CHFR: variants seen among roughly 807,000 people sequenced by gnomAD.
CHFR encodes checkpoint with forkhead and ring finger domains.
A neutral mutation model predicts 87.6 loss-of-function variants in CHFR; 57 were observed. That is an observed-to-expected ratio of 0.65 (90% CI 0.53 to 0.81). The LOEUF (loss-of-function observed/expected upper bound fraction) is 0.81, where lower values mean the gene tolerates loss of function less well. CHFR is among the 30% of genes least tolerant of loss of function. The probability of loss-of-function intolerance (pLI) is 0.00; values close to 1 mark genes in which losing one functional copy is unlikely to be tolerated. For synonymous variants in CHFR, 381 were observed against 359.2 expected (o/e 1.06, Z -0.69); for missense variants, 797 against 865.8 (o/e 0.92, Z 1.00).
In CHFR at chr12:132,877,651, CA is replaced by C. The variant is rs1566203316; in HGVS notation, c.136del (p.Cys46AlafsTer19). 6.2e-7 allele frequency: 1 copy of C among 1,610,234 alleles called. No individual in the cohort carries two copies. Among genetic ancestry groups the C allele is most frequent in the East Asian group, 2.2e-5 (1 of 44,812 alleles). ...REWTIGRRRGCDLSFPSNKLV... is the reference protein window; with the variant it reads ...REWTIGRRRGXDLSFPSNKLV... ...TTTATTGCTGGGGAAGGAAAGGTCG[CA>C]ACCTAAAAAAGAGAGGGTGGGTCAA... is the stretch of plus-strand genomic sequence containing the variant. On this transcript the variant is annotated frameshift_variant and splice_region_variant, in exon 3 of 18. Coordinates refer to ENST00000450056, the MANE Select transcript of CHFR (RefSeq NM_001161346.2). LOFTEE classifies it high-confidence loss of function.
chr12:132,861,737 G>T, intron 6 of CHFR, 103 bp from the exon 7 acceptor site: 1 of 1,066,662 alleles, frequency 9.4e-7, no homozygotes, highest in Non-Finnish European at 1.4e-6. Flanking sequence ...CTGGCAGCCT[G>T]AGATGTCGTA....
chr12:132,835,861 G>GCC lies in CHFR; in HGVS notation c.*5692_*5693insGG, dbSNP rs1566167634. The GCC allele has an allele frequency of 6.3e-6, 2 of 317,598 alleles. No homozygotes were observed. Among genetic ancestry groups the GCC allele is most frequent in the African/African-American group, 4.8e-5 (2 of 41,834 alleles). 19.7% of individuals were successfully genotyped at this position (317,598 alleles called of 1,614,324 possible). A position where few individuals can be genotyped will look rare whatever the true frequency, so the allele number is the denominator to read the frequency against. On this transcript the variant is annotated 3_prime_UTR_variant, in exon 18 of 18. Transcript: ENST00000450056. ...CAGCACAGCGCACGGCCCTCACAGT[G>GCC]ATAGGCTCCCAGCACGGCGCACGGC...
At position 132,856,543 on chromosome 12, in the gene CHFR, G is replaced by A; in HGVS notation, c.1154C>T (p.Ser385Phe). Residue 385 changes from serine to phenylalanine, a missense_variant, in exon 10 of 18, where the codon TCT (serine) becomes TTT (phenylalanine). Ser to Phe is a radical substitution (Grantham distance 155). Around this residue, in one of 2 missense-constraint regions of CHFR, gnomAD observed 597 missense variants for 601.2 expected, o/e 0.99. Transcript: ENST00000450056. ...QDMLQPKVRR[S>F]FSDEEGSSED... ...TGAACTCCCTTCTTCATCAGAAAAA[G>A]ACCGCCTGACTTTGGGCTGCAGCAT... is the stretch of plus-strand genomic sequence containing the variant. 1 of 1,614,196 alleles carries A rather than the reference G, an allele frequency of 6.2e-7. No homozygotes were observed. The highest frequency in any genetic ancestry group is 8.5e-7 in the Non-Finnish European group (1 of 1,180,034).
At chr12:132,847,511 A>C in intron 14 of CHFR, 1 of 1,086,382 alleles carries the variant, frequency 9.2e-7, no homozygotes, top group East Asian at 6.9e-5. Context: ...CTTCAAACAC[A>C]CACGAGCTGT....
chr12:132,853,338 G>A, intron 11 of CHFR, 93 bp downstream of exon 11: 1 of 1,305,850 alleles, frequency 7.7e-7, no homozygotes, highest in African/African-American at 1.5e-5. Context: ...GCAGACAGGA[G>A]GCGGGCAGAG....
chr12:132,843,919 A>G, intron 16 of CHFR, 108 bp downstream of exon 16: 1 of 664,610 alleles, frequency 1.5e-6, no homozygotes, highest in Non-Finnish European at 2.7e-6. Context: ...ACTGCACTCC[A>G]GCCTGGGCAA....
chr12:132,853,527 C>T lies in CHFR; in HGVS notation c.1276G>A (p.Ala426Thr). 1 of 1,531,444 alleles carries T rather than the reference C, an allele frequency of 6.5e-7. No individual in the cohort carries two copies. Among genetic ancestry groups the T allele is most frequent in the Non-Finnish European group, 8.8e-7 (1 of 1,141,986 alleles). 94.9% of individuals were successfully genotyped at this position (1,531,444 alleles called of 1,614,324 possible). ...GCTGGGCAGTGGGGAGGCTGCGCCG[C>T]CTGCCTTCTGTACTCAGGACACTGC... ...CRQCPEYRRQAAQPPHCPAPE... is the reference protein window; with the variant it reads ...CRQCPEYRRQTAQPPHCPAPE... Residue 426 changes from alanine to threonine, a missense_variant, in exon 11 of 18, where the codon GCG becomes ACG. By Grantham distance (58) the Ala-to-Thr change is moderately conservative (BLOSUM62 0). This residue lies in a region of CHFR where 597 missense variants were observed against 601.2 expected (regional missense o/e 0.99). Transcript: ENST00000450056.
At chr12:132,876,721 C>T (rs1566202452) in intron 3 of CHFR, among the ~76,000 whole-genome samples, 1 of 152,206 alleles carries the variant, frequency 6.6e-6, no homozygotes, top group African/African-American at 2.4e-5. Flanking sequence ...AGTGTCCCAT[C>T]CTGGAAACCA....
intron 17 of CHFR, 146 bp downstream of exon 17, chr12:132,842,865 G>A: frequency 1.4e-6 from 1 of 697,002 alleles, no homozygotes; most frequent in Admixed American, 2.2e-5. Flanking sequence ...AGGGATAAAG[G>A]AAGAGCAGGA....
At position 132,837,553 on chromosome 12, in the gene CHFR, G is replaced by A. The variant is rs1296998563; in HGVS notation, c.*4001C>T. ...CGGTAAACTAACTAGAAAGTAGTGC[G>A]TCCTGAGCACTCATCACCTTTGTTT... On this transcript the variant is annotated 3_prime_UTR_variant, in exon 18 of 18. Coordinates refer to ENST00000450056, the MANE Select transcript of CHFR (RefSeq NM_001161346.2). 1 of 152,664 alleles carries A rather than the reference G, an allele frequency of 6.6e-6. No homozygotes were observed. Among genetic ancestry groups the A allele is most frequent in the Admixed American group, 6.5e-5 (1 of 15,324 alleles). The allele number at this position is 152,664 out of a possible 1,614,324, so 9.5% of individuals were successfully genotyped here. A position where few individuals can be genotyped will look rare whatever the true frequency, so the allele number is the denominator to read the frequency against.
rs1951073053 is a variant in CHFR at position 132,856,482 on chromosome 12, C to G, written c.1215G>C (p.Glu405Asp). The G allele has an allele frequency of 6.2e-7, 1 of 1,614,112 alleles. No individual in the cohort carries two copies. Among genetic ancestry groups the G allele is most frequent in the Non-Finnish European group, 8.5e-7 (1 of 1,180,038 alleles). Residue 405 changes from glutamate (E) to aspartate (D), a missense_variant, in exon 10 of 18, where the codon GAG (glutamate) becomes GAC (aspartate). By Grantham distance (45) the Glu-to-Asp change is conservative (BLOSUM62 2). Coordinates refer to ENST00000450056, the MANE Select transcript of CHFR (RefSeq NM_001161346.2). ...GCATGATTTACCTAATGTCTGAGGA[C>G]TCACTGTCAACGTCTGACAGCTCCA... ...DLLELSDVDS[E>D]SSDISQPYVV...
rs987861676 is a variant in CHFR, at chr12:132,836,910, G to A, written c.*4644C>T. The A allele has an allele frequency of 2.6e-6, 1 of 377,816 alleles. No homozygotes were observed. The highest frequency in any genetic ancestry group is 5.2e-6 in the Non-Finnish European group (1 of 191,238). 23.4% of individuals were successfully genotyped at this position (377,816 alleles called of 1,614,324 possible). A position where few individuals can be genotyped will look rare whatever the true frequency, so the allele number is the denominator to read the frequency against. On this transcript the variant is annotated 3_prime_UTR_variant, in exon 18 of 18. Transcript: ENST00000450056. ...TAAACAACAGTGGGCAGACAGGCAA[G>A]ATCCCTGCTCTATTTTTTTGAGAGG...
intron 13 of CHFR, 71 bp downstream of exon 13, chr12:132,848,570 C>G (rs1385517093): frequency 4.2e-6 from 5 of 1,187,114 alleles, no homozygotes; most frequent in Non-Finnish European, 6.1e-6. Context: ...ACCCCACCAT[C>G]CCCTGCCCTC....
At chr12:132,863,921 G>A (rs1033906198) in intron 6 of CHFR, among the ~76,000 whole-genome samples, 1 of 152,076 alleles carries the variant, frequency 6.6e-6, no homozygotes, top group Admixed American at 6.6e-5. Flanking sequence ...ACCATGCCCA[G>A]CTAAATTGTT....
chr12:132,844,557 T>C (rs1244106196), intron 15 of CHFR, among the ~76,000 whole-genome samples: 1 of 151,264 alleles, frequency 6.6e-6, no homozygotes, highest in African/African-American at 2.4e-5. Flanking sequence ...GTGCTGGGAT[T>C]ACAGGCGTGA....
chr12:132,887,500 G>T, intron 1 of CHFR, 47 bp downstream of exon 1: 1 of 275,104 alleles, frequency 3.6e-6, no homozygotes, highest in South Asian at 1.3e-4. Context: ...GCCGCAACCA[G>T]GTCCCCCTTC....
Position 132,845,194 on chromosome 12 carries a change from G to A in CHFR, c.1736-1060C>T, listed in dbSNP as rs539660104. Among the ~76,000 whole-genome samples, 317 of 152,032 alleles carry A rather than the reference G, an allele frequency of 2.1e-3. 2 individuals carry two copies. The South Asian group carries it at 0.024, about 11-fold the overall frequency. On this transcript the variant is annotated intron_variant, in intron 15 of 17. Transcript: ENST00000450056. ...ATATCGGCCAGGCACGGTGGCTCGC[G>A]CCTGTAATCCCAGCACTTTGGGAGG...
Position 132,851,663 on chromosome 12 carries a change from G to T in CHFR, c.1447C>A (p.Arg483=). ...GGGTCCTGCTCGCGCTCCGCTCTCCGGTCGGGCATGGGCTGGAAGCAGCAG... is the reference window on the plus strand; with the variant it reads ...GGGTCCTGCTCGCGCTCCGCTCTCCTGTCGGGCATGGGCTGGAAGCAGCAG... ...CTCCFQPMPD[R]RAEREQDPRV... Residue 483 remains arginine (R), a synonymous_variant, in exon 12 of 18, where the codon CGG becomes AGG. Coordinates refer to ENST00000450056, the MANE Select transcript of CHFR (RefSeq NM_001161346.2). The T allele has an allele frequency of 1.2e-6, 2 of 1,613,236 alleles. No homozygotes were observed. The highest frequency in any genetic ancestry group is 1.1e-5 in the South Asian group (1 of 91,080).
At chr12:132,864,188 C>A (rs12368004) in intron 6 of CHFR, among the ~76,000 whole-genome samples, 92,746 of 148,680 alleles carry the variant, frequency 0.62, 29,392 homozygotes, top group South Asian at 0.83. Context: ...AAAAAAAAAA[C>A]ACAAGAAACT....
Sources: gnomAD v4.1 joint callset for allele counts (sites outside exome capture counted in the v4.1 genomes callset) on GRCh38, gnomAD v4.1.1 for gene constraint, gnomAD v4.1.1 regional missense constraint, MANE v1.5 for transcripts, NCBI Gene and HGNC (gene_info 2026-07-23, HGNC 2026-07-21) for gene names.